Variants in RAD51B observed in about 807,000 individuals in gnomAD.
RAD51B encodes the protein RAD51 paralog B.
A neutral mutation model predicts 42.2 loss-of-function variants in RAD51B; 38 were observed. That is an observed-to-expected ratio of 0.90 (90% CI 0.70 to 1.18). The LOEUF is 1.18. Among genes scored for constraint, RAD51B ranks in the 50% most tolerant of loss-of-function variants. The pLI is 0.00. For missense variants in RAD51B, 373 were observed against 400.7 expected (o/e 0.93, Z 0.59); for synonymous variants, 154 against 145.2 (o/e 1.06, Z -0.43).
chr14:68,134,630 A>T (rs1201639892), intron 7 of RAD51B, among the ~76,000 whole-genome samples: 2 of 152,136 alleles, frequency 1.3e-5, no homozygotes, highest in African/African-American at 4.8e-5. Flanking sequence ...TTGATAGGTG[A>T]TAGTAATATT....
intron 8 of RAD51B, among the ~76,000 whole-genome samples, chr14:68,317,047 G>A (rs2082076204): frequency 6.6e-6 from 1 of 152,150 alleles, no homozygotes; most frequent in Non-Finnish European, 1.5e-5. Flanking sequence ...TTAAGGAAGA[G>A]GGCCACCCAG....
chr14:67,864,773 C>G (rs1268533076), intron 4 of RAD51B: 1 of 698,924 alleles, frequency 1.4e-6, no homozygotes, highest in South Asian at 1.5e-5. Context: ...TGACTATTTT[C>G]TCAATTCCTC....
intron 9 of RAD51B, among the ~76,000 whole-genome samples, chr14:68,421,410 A>T (rs781350668): frequency 6.6e-6 from 1 of 152,110 alleles, no homozygotes; most frequent in Non-Finnish European, 1.5e-5. Context: ...TTTCATTTCA[A>T]GTCCTTTCTT....
chr14:67,966,774 T>C (rs936809573), intron 7 of RAD51B, among the ~76,000 whole-genome samples: 1 of 152,210 alleles, frequency 6.6e-6, no homozygotes, highest in Admixed American at 6.5e-5. Flanking sequence ...CAAACTTGCT[T>C]TTTTGACTCT....
intron 7 of RAD51B, among the ~76,000 whole-genome samples, chr14:67,895,689 T>C (rs1360273019): frequency 6.6e-6 from 1 of 152,208 alleles, no homozygotes; most frequent in Admixed American, 6.5e-5. Flanking sequence ...AATTAATATT[T>C]ATTGAATGAT....
intron 7 of RAD51B, among the ~76,000 whole-genome samples, chr14:68,207,055 G>T (rs945940734): frequency 6.6e-6 from 1 of 152,044 alleles, no homozygotes; most frequent in Non-Finnish European, 1.5e-5. Context: ...CTCCCAAAGT[G>T]CTGGGATTAC....
chr14:68,660,101 A>T (rs539362351), intron 11 of RAD51B, among the ~76,000 whole-genome samples: 1 of 152,240 alleles, frequency 6.6e-6, no homozygotes, highest in Non-Finnish European at 1.5e-5. Flanking sequence ...ACAGGAGCAA[A>T]GCCAGGTGAG....
chr14:68,061,330 A>G (rs1244176151), intron 7 of RAD51B, among the ~76,000 whole-genome samples: 1 of 152,080 alleles, frequency 6.6e-6, no homozygotes, highest in African/African-American at 2.4e-5. Context: ...TGGCCTCCCA[A>G]AGTGCTGTGC....
chr14:68,162,698 T>C (rs1390622851), intron 7 of RAD51B, among the ~76,000 whole-genome samples: 2 of 152,104 alleles, frequency 1.3e-5, no homozygotes. Context: ...GGCAGGAGAA[T>C]GGTGTGAACC....
chr14:67,893,493 CACACACACACACACACAA>C (rs2043290037), intron 7 of RAD51B, among the ~76,000 whole-genome samples: 4 of 81,192 alleles, frequency 4.9e-5, no homozygotes, highest in South Asian at 4.0e-4. Context: ...CACACACACA[CACACACACACACACACAA>C]AAAAAAACAA....
At chr14:68,618,822 G>T (rs1891879867) in intron 10 of RAD51B, among the ~76,000 whole-genome samples, 2 of 152,184 alleles carry the variant, frequency 1.3e-5, no homozygotes, top group Admixed American at 6.5e-5. Flanking sequence ...CCTGAGGAAA[G>T]AAGTGCCCCC....
chr14:68,414,859 TAAAAAAAAA>T (rs33968049), intron 9 of RAD51B, among the ~76,000 whole-genome samples: 3 of 71,212 alleles, frequency 4.2e-5, no homozygotes, highest in African/African-American at 1.2e-4. Flanking sequence ...CCATCTCTAC[TAAAAAAAAA>T]AAAAAAAAAA....
At chr14:68,091,526 T>C (rs1212962787) in intron 7 of RAD51B, among the ~76,000 whole-genome samples, 4 of 152,232 alleles carry the variant, frequency 2.6e-5, no homozygotes, top group Admixed American at 2.6e-4. Flanking sequence ...GTTCATATCC[T>C]TCACCCACTT....
intron 10 of RAD51B, among the ~76,000 whole-genome samples, chr14:68,524,378 T>C (rs1312662412): frequency 6.6e-6 from 1 of 152,212 alleles, no homozygotes; most frequent in Admixed American, 6.5e-5. Context: ...AAGATAAATC[T>C]ATGGACAGAG....
chr14:68,116,054 C>A (rs1317941612), intron 7 of RAD51B, among the ~76,000 whole-genome samples: 1 of 151,330 alleles, frequency 6.6e-6, no homozygotes, highest in Non-Finnish European at 1.5e-5. Flanking sequence ...GGTACTTATA[C>A]CATTGAGTTA....
At chr14:68,450,677 C>G (rs1054088496) in intron 9 of RAD51B, among the ~76,000 whole-genome samples, 2 of 151,714 alleles carry the variant, frequency 1.3e-5, no homozygotes, top group African/African-American at 4.9e-5. Context: ...TTGCTTTATT[C>G]CTCATGACTC....
chr14:68,621,428 C>T (rs1207107502), intron 10 of RAD51B, among the ~76,000 whole-genome samples: 1 of 152,228 alleles, frequency 6.6e-6, no homozygotes, highest in Non-Finnish European at 1.5e-5. Flanking sequence ...CTCTCCTTTT[C>T]CTTTCTCCAC....
At chr14:68,150,306 T>C (rs1370151711) in intron 7 of RAD51B, among the ~76,000 whole-genome samples, 3 of 152,222 alleles carry the variant, frequency 2.0e-5, no homozygotes, top group African/African-American at 4.8e-5. Context: ...TATTAGTTTG[T>C]TTCCTTTCTA....
At chr14:68,019,090 GT>G (rs1171656102) in intron 7 of RAD51B, among the ~76,000 whole-genome samples, 3 of 151,882 alleles carry the variant, frequency 2.0e-5, no homozygotes, top group Non-Finnish European at 4.4e-5. Context: ...GGAAAATTTG[GT>G]GGCTGATTTA....
Sources: allele counts gnomAD v4.1 joint callset (sites outside exome capture counted in the v4.1 genomes callset), GRCh38; gene constraint gnomAD v4.1.1; transcripts MANE v1.5; gene names NCBI Gene and HGNC (gene_info 2026-07-23, HGNC 2026-07-21).